The following PDK1 variants were observed in gnomAD, a reference collection of about 807,000 sequenced individuals.
The protein encoded by PDK1 is [Pyruvate dehydrogenase (acetyl-transferring)] kinase isozyme 1, mitochondrial.
A neutral mutation model predicts 54.2 loss-of-function variants in PDK1; 39 were observed. The observed-to-expected ratio is 0.72, with a 90% CI of 0.56 to 0.94. The LOEUF (loss-of-function observed/expected upper bound fraction) is 0.94. Ranked by LOEUF, PDK1 falls within the 40% of genes least tolerant of loss-of-function variation. The pLI is 0.00. For missense variants in PDK1, 552 were observed against 566.0 expected (o/e 0.98, Z 0.25); for synonymous variants, 221 against 207.1 (o/e 1.07, Z -0.58).
chr2:172,614,876 ATTAAG>A, the PDK1 span, among the ~76,000 whole-genome samples: 1,452 of 152,372 alleles, frequency 9.5e-3, 10 homozygotes, highest in Middle Eastern at 0.027. Flanking sequence ...TTTCATAAAA[ATTAAG>A]TTAACAGATA....
intron 1 of PDK1, 54 bp from the exon 2 acceptor site, chr2:172,558,654 T>G (rs1688487718): frequency 6.7e-7 from 1 of 1,487,736 alleles, no homozygotes; most frequent in Non-Finnish European, 9.0e-7. Flanking sequence ...GCCTCTTGCC[T>G]TCTGTTTCCT....
rs930602629 is a variant in PDK1 at position 172,600,108 on chromosome 2, T to C, written c.*4139T>C. On this transcript the variant is annotated 3_prime_UTR_variant, in exon 11 of 11. Transcript: ENST00000282077. The stretch of plus-strand genomic sequence containing the variant: ...AAGTTAAAAATGCTGAGAAGGTTTT[T>C]TTTGGAAACAGTTTATGAGGCCAGG... 15 of 152,206 alleles carry C rather than the reference T, an allele frequency of 9.9e-5. No homozygotes were observed. The highest frequency in any genetic ancestry group is 9.8e-4 in the Admixed American group (15 of 15,268). The allele number at this position is 152,206 out of a possible 1,614,324, so 9.4% of individuals were successfully genotyped here. A position where few individuals can be genotyped will look rare whatever the true frequency, so the allele number is the denominator to read the frequency against.
downstream of PDK1, among the ~76,000 whole-genome samples, chr2:172,610,942 T>A (rs1270714278): frequency 6.6e-6 from 1 of 152,260 alleles, no homozygotes; most frequent in Non-Finnish European, 1.5e-5. Context: ...TCTGTTTTCC[T>A]AATTTGATTA....
chr2:172,697,805 A>G, the PDK1 span, among the ~76,000 whole-genome samples: 1 of 152,230 alleles, frequency 6.6e-6, no homozygotes, highest in African/African-American at 2.4e-5. Flanking sequence ...GATCAACAGA[A>G]GCTGAACTGT....
chr2:172,723,553 T>C, the PDK1 span: 4 of 152,118 alleles, frequency 2.6e-5, no homozygotes, highest in Non-Finnish European at 5.9e-5. Context: ...GTCAATGTCA[T>C]GAAAGAATTT....
chr2:172,598,891 A>C lies in PDK1; in HGVS notation c.*2922A>C, dbSNP rs1691014318. The C allele has an allele frequency of 6.6e-6, 1 of 152,214 alleles. No individual in the cohort carries two copies. Among genetic ancestry groups the C allele is most frequent in the African/African-American group, 2.4e-5 (1 of 41,468 alleles). The allele number at this position is 152,214 out of a possible 1,614,324, so 9.4% of individuals were successfully genotyped here. A position where few individuals can be genotyped will look rare whatever the true frequency, so the allele number is the denominator to read the frequency against. On this transcript the variant is annotated 3_prime_UTR_variant, in exon 11 of 11. Coordinates refer to ENST00000282077, the MANE Select transcript of PDK1 (RefSeq NM_002610.5). ...CATCAAGGCTCAACATTTTGTAAGC[A>C]TCCAAAAAATTGGTAATTAGGGGGC...
At chr2:172,670,054 A>G in the PDK1 span, among the ~76,000 whole-genome samples, 1 of 149,562 alleles carries the variant, frequency 6.7e-6, no homozygotes, top group South Asian at 2.1e-4. Context: ...GCATAGATTT[A>G]AAAAAAAAAT....
chr2:172,564,985 G>A lies in PDK1; in HGVS notation c.603G>A (p.Leu201=). 6.2e-7 allele frequency: 1 copy of A among 1,610,478 alleles called. No individual in the cohort carries two copies. The highest frequency in any genetic ancestry group is 8.5e-7 in the Non-Finnish European group (1 of 1,176,990). ...TTTTTCCTTTTTGGATAGCTTTATT[G>A]TTTGGTGGAAAAGGCAAAGGAAGTC... is the stretch of plus-strand genomic sequence containing the variant. The part of the protein sequence containing the change: ...IRMLLNQHSL[L]FGGKGKGSPS... The change falls in exon 5 of 11, where the codon TTG becomes TTA. Residue 201 remains leucine (L), a synonymous_variant. Transcript: ENST00000282077.
At chr2:172,591,103 G>A (rs1039461695) in intron 9 of PDK1, among the ~76,000 whole-genome samples, 3 of 152,176 alleles carry the variant, frequency 2.0e-5, no homozygotes, top group Admixed American at 2.0e-4. Context: ...GAAGTTGTTA[G>A]TTGAGTTCAT....
chr2:172,675,221 G>T, the PDK1 span, among the ~76,000 whole-genome samples: 1 of 152,136 alleles, frequency 6.6e-6, no homozygotes, highest in Non-Finnish European at 1.5e-5. Flanking sequence ...AATTGGGCCA[G>T]TTAATAACCC....
chr2:172,698,200 C>G, the PDK1 span, among the ~76,000 whole-genome samples: 56 of 152,242 alleles, frequency 3.7e-4, no homozygotes, highest in Admixed American at 3.6e-3. Flanking sequence ...CATGAATCAT[C>G]CCCCACTTTG....
At chr2:172,587,790 G>T (rs570676467) in intron 9 of PDK1, among the ~76,000 whole-genome samples, 1 of 152,152 alleles carries the variant, frequency 6.6e-6, no homozygotes, top group Non-Finnish European at 1.5e-5. Flanking sequence ...GTGCTGATTG[G>T]TGTGTTTACA....
At chr2:172,680,737 C>T in the PDK1 span, among the ~76,000 whole-genome samples, 1 of 152,160 alleles carries the variant, frequency 6.6e-6, no homozygotes, top group East Asian at 1.9e-4. Context: ...AACTTGACTC[C>T]AACAATAAAT....
chr2:172,660,252 T>C, the PDK1 span, among the ~76,000 whole-genome samples: 1 of 118,166 alleles, frequency 8.5e-6, no homozygotes, highest in Non-Finnish European at 1.8e-5. Context: ...TCTCTCTTTT[T>C]TTTTTTTTTT....
At chr2:172,585,507 G>A (rs1004643442) in intron 8 of PDK1, among the ~76,000 whole-genome samples, 3 of 151,742 alleles carry the variant, frequency 2.0e-5, no homozygotes, top group African/African-American at 7.3e-5. Flanking sequence ...TATATTTTTA[G>A]TAGAGATGGG....
At position 172,565,165 on chromosome 2, in the gene PDK1, A is replaced by G; in HGVS notation, c.691+92A>G. On this transcript the variant is annotated intron_variant, in intron 5 of 10. Coordinates refer to ENST00000282077, the MANE Select transcript of PDK1 (RefSeq NM_002610.5). ...TTAAAACATCTATTTGTATCATGAG[A>G]TAAAATGGTAGGCACAAATGCATGG... 6 of 769,734 alleles carry G rather than the reference A, an allele frequency of 7.8e-6. 1 individual carries two copies. The South Asian group carries it at 9.5e-5, about 12-fold the overall frequency. The allele number at this position is 769,734 out of a possible 1,614,324, so 47.7% of individuals were successfully genotyped here.
chr2:172,614,603 G>T, the PDK1 span, among the ~76,000 whole-genome samples: 1 of 152,198 alleles, frequency 6.6e-6, no homozygotes, highest in Non-Finnish European at 1.5e-5. Context: ...GCAGAGAGGA[G>T]CCACTCTTTT....
the PDK1 span, chr2:172,679,005 A>T: frequency 1.3e-5 from 2 of 152,208 alleles, no homozygotes; most frequent in Non-Finnish European, 2.9e-5. Flanking sequence ...TGTCGCAGAG[A>T]TTTCTTTAAG....
chr2:172,692,269 G>A, the PDK1 span, among the ~76,000 whole-genome samples: 1 of 152,192 alleles, frequency 6.6e-6, no homozygotes, highest in South Asian at 2.1e-4. Flanking sequence ...ATGTATTTTG[G>A]TATTGATGAG....
Sources: allele counts gnomAD v4.1 joint callset (sites outside exome capture counted in the v4.1 genomes callset), GRCh38; gene constraint gnomAD v4.1.1; transcripts MANE v1.5; gene names NCBI Gene and HGNC (gene_info 2026-07-23, HGNC 2026-07-21).